The following TACR1 variants were observed in gnomAD, a reference collection of about 807,000 sequenced individuals.
TACR1 encodes substance-P receptor.
A neutral mutation model predicts 35.8 loss-of-function variants in TACR1; 25 were observed. The ratio of observed to expected loss-of-function variants is 0.70; its 90% CI spans 0.51 to 0.98. The LOEUF (loss-of-function observed/expected upper bound fraction) is 0.98. TACR1 is among the 50% of genes least tolerant of loss of function. The pLI is 0.00. For missense variants in TACR1, 478 were observed against 522.9 expected, an observed-to-expected ratio of 0.91 and a Z score of 0.84; for synonymous variants, 195 against 206.7, an observed-to-expected ratio of 0.94 and a Z score of 0.48.
chr2:75,166,472 A>C (rs1392190128), intron 1 of TACR1, among the ~76,000 whole-genome samples: 1 of 152,236 alleles, frequency 6.6e-6, no homozygotes, highest in Non-Finnish European at 1.5e-5. Context: ...TGAACATTGC[A>C]GAGGATAGTG....
At chr2:75,182,932 C>T (rs1469710855) in intron 1 of TACR1, among the ~76,000 whole-genome samples, 2 of 152,184 alleles carry the variant, frequency 1.3e-5, no homozygotes, top group African/African-American at 2.4e-5. Context: ...TAAAATTATA[C>T]AATGATGTGA....
intron 2 of TACR1, among the ~76,000 whole-genome samples, chr2:75,081,676 A>G (rs1673089620): frequency 2.0e-5 from 3 of 152,178 alleles, no homozygotes; most frequent in Admixed American, 2.0e-4. Flanking sequence ...GTTTCCACAA[A>G]TAATTCCAAG....
chr2:75,088,568 GTGTATAAATGTGTTTGTTA>G (rs1673233701), intron 2 of TACR1, among the ~76,000 whole-genome samples: 1 of 152,188 alleles, frequency 6.6e-6, no homozygotes, highest in African/African-American at 2.4e-5. Flanking sequence ...CACTGAATGA[GTGTATAAATGTGTTTGTTA>G]TGTTCCTCCT....
At chr2:75,080,973 T>C (rs1476968474) in intron 2 of TACR1, among the ~76,000 whole-genome samples, 1 of 152,124 alleles carries the variant, frequency 6.6e-6, no homozygotes, top group Non-Finnish European at 1.5e-5. Flanking sequence ...TGAGAATGGA[T>C]GAATGAGTCA....
chr2:75,082,734 T>C (rs562640289), intron 2 of TACR1, among the ~76,000 whole-genome samples: 3 of 152,412 alleles, frequency 2.0e-5, no homozygotes, highest in South Asian at 4.1e-4. Flanking sequence ...TTTTGAGAAG[T>C]GTCTTTTCAT....
chr2:75,166,770 A>T (rs1264334826), intron 1 of TACR1, among the ~76,000 whole-genome samples: 1 of 152,234 alleles, frequency 6.6e-6, no homozygotes, highest in African/African-American at 2.4e-5. Context: ...GGTTCAGGTT[A>T]TCTGAGGAAA....
intron 1 of TACR1, among the ~76,000 whole-genome samples, chr2:75,197,829 T>C (rs957321542): frequency 2.6e-5 from 4 of 152,210 alleles, no homozygotes; most frequent in Non-Finnish European, 5.9e-5. Flanking sequence ...TTGGGTAAGC[T>C]TCCTGGATCC....
chr2:75,155,733 G>A (rs1008789119), intron 1 of TACR1, among the ~76,000 whole-genome samples: 2 of 152,238 alleles, frequency 1.3e-5, no homozygotes, highest in African/African-American at 4.8e-5. Flanking sequence ...TTAAAAAGGA[G>A]AGTGGTCAAA....
At chr2:75,152,796 G>A (rs1674703053) in intron 1 of TACR1, among the ~76,000 whole-genome samples, 1 of 152,218 alleles carries the variant, frequency 6.6e-6, no homozygotes, top group African/African-American at 2.4e-5. Context: ...CTGCTAAGGG[G>A]TTGTTCCTTA....
rs1673847321 is a variant in TACR1 at position 75,115,913 on chromosome 2, A to AG, written c.584+4660_584+4661insC. Among the ~76,000 whole-genome samples the AG allele has an allele frequency of 2.6e-5, 4 of 151,148 alleles. 1 individual carries two copies. On this transcript the variant is annotated intron_variant, in intron 2 of 4. Transcript: ENST00000305249. Reference sequence around the variant, plus strand: ...CAGAGCGAGACTCCGTCTCAAAAAAAAAAAAAAAAAAAAAAGAGAAGCTCT... The same window carrying AG: ...CAGAGCGAGACTCCGTCTCAAAAAAAGAAAAAAAAAAAAAAAGAGAAGCTCT...
intron 2 of TACR1, among the ~76,000 whole-genome samples, chr2:75,065,056 G>A (rs1381278393): frequency 6.6e-6 from 1 of 152,168 alleles, no homozygotes; most frequent in East Asian, 1.9e-4. Context: ...AAGATTCCTG[G>A]AATCTCTGAG....
chr2:75,160,529 G>A (rs554569086), intron 1 of TACR1, among the ~76,000 whole-genome samples: 1 of 151,852 alleles, frequency 6.6e-6, no homozygotes, highest in Non-Finnish European at 1.5e-5. Flanking sequence ...GGACAAAAAG[G>A]CAGGAATAAA....
intron 1 of TACR1, among the ~76,000 whole-genome samples, chr2:75,151,489 G>A (rs1458415177): frequency 6.6e-6 from 1 of 152,226 alleles, no homozygotes. Flanking sequence ...CTTCCACATG[G>A]TGTTGAGCCT....
At chr2:75,132,661 G>T (rs551985928) in intron 1 of TACR1, among the ~76,000 whole-genome samples, 50 of 152,248 alleles carry the variant, frequency 3.3e-4, no homozygotes, top group African/African-American at 1.2e-3. Flanking sequence ...ACTGCATACT[G>T]CTTATTTTCT....
chr2:75,157,426 C>T (rs953378051), intron 1 of TACR1, among the ~76,000 whole-genome samples: 1 of 152,124 alleles, frequency 6.6e-6, no homozygotes, highest in Non-Finnish European at 1.5e-5. Flanking sequence ...ATCATAACGA[C>T]CTACGAAGAC....
intron 2 of TACR1, among the ~76,000 whole-genome samples, chr2:75,112,036 G>A (rs893852899): frequency 6.6e-6 from 1 of 151,994 alleles, no homozygotes; most frequent in African/African-American, 2.4e-5. Flanking sequence ...AGTATAGAGA[G>A]TAATCTACAA....
intron 1 of TACR1, among the ~76,000 whole-genome samples, chr2:75,132,279 T>G (rs1674192715): frequency 6.6e-6 from 1 of 152,214 alleles, no homozygotes. Context: ...TAGTTTTGTC[T>G]TCTTAGTTTT....
chr2:75,197,608 A>G (rs1366200840), intron 1 of TACR1, among the ~76,000 whole-genome samples: 1 of 152,190 alleles, frequency 6.6e-6, no homozygotes, highest in East Asian at 1.9e-4. Context: ...TCAATTTTCC[A>G]TCATGCTACC....
At chr2:75,139,489 A>G (rs551500014) in intron 1 of TACR1, among the ~76,000 whole-genome samples, 1 of 152,342 alleles carries the variant, frequency 6.6e-6, no homozygotes, top group East Asian at 1.9e-4. Flanking sequence ...CCATGAAGGT[A>G]TAGCTATGCA....
Sources: gnomAD v4.1 joint callset for allele counts (sites outside exome capture counted in the v4.1 genomes callset) on GRCh38, gnomAD v4.1.1 for gene constraint, MANE v1.5 for transcripts, NCBI Gene and HGNC (gene_info 2026-07-23, HGNC 2026-07-21) for gene names.